HMCN2: variants seen among roughly 807,000 people sequenced by gnomAD.
HMCN2 encodes the protein hemicentin 2.
A neutral mutation model predicts 377.5 loss-of-function variants in HMCN2; 325 were observed. The observed-to-expected ratio is 0.86, with a 90% confidence interval of 0.79 to 0.94. HMCN2 has a LOEUF of 0.94. Ranked by LOEUF, HMCN2 falls within the 40% of genes least tolerant of loss-of-function variation. The pLI is 0.00. For missense variants in HMCN2, 4,543 were observed against 4,725.3 expected (o/e 0.96, Z 1.13); for synonymous variants, 2,007 against 2,046.8 (o/e 0.98, Z 0.53).
chr9:130,357,216 AGATG>A (rs1394885196), intron 34 of HMCN2, among the ~76,000 whole-genome samples: 3 of 77,810 alleles, frequency 3.9e-5, no homozygotes, highest in African/African-American at 1.5e-4. Context: ...AAGGGCGGGT[AGATG>A]GATGAATGGG....
chr9:130,322,374 C>CT (rs1837905959), intron 19 of HMCN2, among the ~76,000 whole-genome samples: 1 of 152,150 alleles, frequency 6.6e-6, no homozygotes, highest in African/African-American at 2.4e-5. Flanking sequence ...ATCTGTCTAT[C>CT]TATCTATCTA....
At chr9:130,352,798 C>G in intron 30 of HMCN2, 129 bp from the exon 31 acceptor site, 1 of 700,434 alleles carries the variant, frequency 1.4e-6, no homozygotes, top group South Asian at 1.9e-5. Flanking sequence ...GTCCACCATG[C>G]CTTCCCTGCC....
intron 4 of HMCN2, among the ~76,000 whole-genome samples, chr9:130,289,138 T>C (rs1276764455): frequency 2.6e-5 from 4 of 152,114 alleles, no homozygotes; most frequent in African/African-American, 4.8e-5. Context: ...CCCCTCTGTC[T>C]TTTTTTCCTG....
chr9:130,274,639 G>GA (rs1178880748), intron 1 of HMCN2, among the ~76,000 whole-genome samples: 1 of 152,174 alleles, frequency 6.6e-6, no homozygotes. Flanking sequence ...CTCAAGAGGT[G>GA]AAAACACTTT....
chr9:130,372,784 G>A (rs1050374353), intron 47 of HMCN2, among the ~76,000 whole-genome samples: 10 of 152,186 alleles, frequency 6.6e-5, no homozygotes, highest in Non-Finnish European at 1.3e-4. Flanking sequence ...GAAAGTGGAA[G>A]GGGGCAAATA....
At chr9:130,344,018 C>T (rs935589607) in intron 25 of HMCN2, among the ~76,000 whole-genome samples, 4 of 151,808 alleles carry the variant, frequency 2.6e-5, no homozygotes, top group Non-Finnish European at 4.4e-5. Context: ...GAGGGGGCGG[C>T]GTGAGGGACC....
Position 130,393,809 on chromosome 9 carries a change from A to G in HMCN2, c.10302A>G (p.Glu3434=). The change falls in exon 68 of 98, where the codon GAA becomes GAG. Residue 3434 remains glutamate, a synonymous_variant. Coordinates refer to ENST00000683500, the MANE Select transcript of HMCN2 (RefSeq NM_001291815.2). The surrounding 1 kb of genome is among the most constrained non-coding windows in gnomAD (Gnocchi z 5.2). ...DVVVVRGSLV[E]LPCEARGVPL... is the part of the protein sequence containing the mutation. ...TGGTGGTTCGTGGCTCCCTGGTGGA[A>G]CTCCCGTGCGAGGCCCGGGGCGTTC... is the stretch of plus-strand genomic sequence containing the variant. 7.8e-7 allele frequency: 1 copy of G among 1,287,084 alleles called. No individual in the cohort carries two copies. Among genetic ancestry groups the G allele is most frequent in the Non-Finnish European group, 1.0e-6 (1 of 987,688 alleles). 79.7% of individuals were successfully genotyped at this position (1,287,084 alleles called of 1,614,324 possible). A position where few individuals can be genotyped will look rare whatever the true frequency, so the allele number is the denominator to read the frequency against.
At chr9:130,289,971 A>C (rs919855844) in intron 4 of HMCN2, among the ~76,000 whole-genome samples, 5 of 152,140 alleles carry the variant, frequency 3.3e-5, no homozygotes, top group Non-Finnish European at 7.4e-5. Flanking sequence ...ATGTTCTGGG[A>C]GGATCCTCGG....
At chr9:130,400,748 G>A (rs1564857753) in intron 76 of HMCN2, 35 bp from the exon 77 acceptor site, 3 of 1,259,358 alleles carry the variant, frequency 2.4e-6, no homozygotes, top group South Asian at 2.6e-5. Flanking sequence ...CCCTGTGCCC[G>A]CCGGCAGGGC....
chr9:130,287,128 A>C (rs947508), intron 4 of HMCN2, among the ~76,000 whole-genome samples: 118,459 of 152,048 alleles, frequency 0.78, 46,480 homozygotes, highest in East Asian at 0.89. Flanking sequence ...AGCTTTCCGG[A>C]GCCTACACAA....
At chr9:130,323,043 C>T (rs984047995) in intron 19 of HMCN2, among the ~76,000 whole-genome samples, 14 of 152,256 alleles carry the variant, frequency 9.2e-5, no homozygotes, top group African/African-American at 3.4e-4. Flanking sequence ...AGATCCAAAT[C>T]GCCATCCAGG....
chr9:130,372,229 G>T, intron 46 of HMCN2, 65 bp from the exon 47 acceptor site: 4 of 519,660 alleles, frequency 7.7e-6, no homozygotes, highest in Non-Finnish European at 5.0e-6. Context: ...GGGCAGCAGG[G>T]GGCTCGGCTT....
At chr9:130,372,041 C>G (rs897120773) in intron 46 of HMCN2, among the ~76,000 whole-genome samples, 1 of 152,182 alleles carries the variant, frequency 6.6e-6, no homozygotes, top group Admixed American at 6.5e-5. Context: ...CAGGGGTGGC[C>G]AGGGTGACAG....
chr9:130,399,716 AATT>A, intron 76 of HMCN2, 84 bp downstream of exon 76: 2 of 1,055,502 alleles, frequency 1.9e-6, no homozygotes, highest in Non-Finnish European at 2.5e-6. Flanking sequence ...GCCAGCAGGG[AATT>A]GTGTGGCTTT....
intron 60 of HMCN2, 95 bp downstream of exon 60, chr9:130,385,857 G>A: frequency 1.2e-6 from 1 of 846,860 alleles, no homozygotes; most frequent in Non-Finnish European, 1.7e-6. Context: ...GGCAGGATGT[G>A]AGTTGCTGCC....
At position 130,351,116 on chromosome 9, in the gene HMCN2, C is replaced by G. The variant is rs1470874770; in HGVS notation, c.4431-307C>G. On this transcript the variant is annotated intron_variant, in intron 29 of 97. Coordinates refer to ENST00000683500, the MANE Select transcript of HMCN2 (RefSeq NM_001291815.2). This position sits in a 1 kb window ranked among gnomAD's most constrained non-coding sequence, Gnocchi z 5.4. ...TGCCTGTTCTGGGTACTTCACATCA[C>G]TGGCATCATAGAGTGTGTGGCCTTT... Among the ~76,000 whole-genome samples the G allele has an allele frequency of 1.3e-5, 2 of 152,216 alleles. No homozygotes were observed. Among genetic ancestry groups the G allele is most frequent in the Admixed American group, 1.3e-4 (2 of 15,286 alleles).
chr9:130,291,702 A>G (rs1172170219), intron 4 of HMCN2, among the ~76,000 whole-genome samples: 3 of 152,236 alleles, frequency 2.0e-5, no homozygotes, highest in African/African-American at 7.2e-5. Context: ...ATAATTCAGC[A>G]TGGATTTCTG....
chr9:130,323,453 G>C (rs1040116039), intron 19 of HMCN2, among the ~76,000 whole-genome samples: 9 of 152,208 alleles, frequency 5.9e-5, no homozygotes, highest in Non-Finnish European at 7.3e-5. Flanking sequence ...TGCAAACACT[G>C]CTCATCTATC....
intron 22 of HMCN2, among the ~76,000 whole-genome samples, chr9:130,327,798 G>A (rs1304512962): frequency 6.6e-5 from 10 of 152,262 alleles, no homozygotes; most frequent in African/African-American, 2.2e-4. Flanking sequence ...TGAGCTGCTC[G>A]CCATCACCCA....
Sources: gnomAD v4.1 joint callset for allele counts (sites outside exome capture counted in the v4.1 genomes callset) on GRCh38, gnomAD v4.1.1 for gene constraint, Gnocchi (gnomAD v3.1) non-coding constraint, MANE v1.5 for transcripts, NCBI Gene and HGNC (gene_info 2026-07-23, HGNC 2026-07-21) for gene names.